RHOH: variants seen among roughly 807,000 people sequenced by gnomAD.
RHOH encodes rho-related GTP-binding protein RhoH.
RHOH carries 6 observed loss-of-function variants against 13.8 expected under a neutral mutation model. That is an observed-to-expected ratio of 0.44 (90% CI 0.24 to 0.86). The LOEUF is 0.86. Ranked by LOEUF, RHOH falls within the 40% of genes least tolerant of loss-of-function variation. RHOH has a pLI of 0.24. For synonymous variants in RHOH, 117 were observed against 103.0 expected (o/e 1.14, Z -0.82); for missense variants, 147 against 244.5 (o/e 0.60, Z 2.66).
chr4:40,245,535 T>A lies in RHOH; in HGVS notation c.*1573T>A. On this transcript the variant is annotated 3_prime_UTR_variant, in exon 3 of 3. Transcript: ENST00000381799. ...GCCTGGGCAACAGAGGGAGACTCCATCTCAAAAAAAAAAAAAAGAAAAGAA... is the reference window on the plus strand; with the variant it reads ...GCCTGGGCAACAGAGGGAGACTCCAACTCAAAAAAAAAAAAAAGAAAAGAA... 8.2e-6 allele frequency: 1 copy of A among 122,216 alleles called. No individual in the cohort carries two copies. Among genetic ancestry groups the A allele is most frequent in the African/African-American group, 3.5e-5 (1 of 28,476 alleles). 7.6% of individuals were successfully genotyped at this position (122,216 alleles called of 1,614,324 possible). A position where few individuals can be genotyped will look rare whatever the true frequency, so the allele number is the denominator to read the frequency against.
chr4:40,194,117 GCAACCA>G (rs564909709), upstream of RHOH, among the ~76,000 whole-genome samples: 40 of 152,272 alleles, frequency 2.6e-4, no homozygotes, highest in South Asian at 8.1e-3. Flanking sequence ...TGTTGGAGGG[GCAACCA>G]ATTTTGAACT....
upstream of RHOH, among the ~76,000 whole-genome samples, chr4:40,194,324 G>A (rs1722909359): frequency 6.6e-6 from 1 of 152,022 alleles, no homozygotes. Flanking sequence ...TGCCTACTGG[G>A]TTCAAGCAAT....
At chr4:40,240,707 G>A (rs1450559744) in intron 1 of RHOH, among the ~76,000 whole-genome samples, 3 of 151,986 alleles carry the variant, frequency 2.0e-5, no homozygotes, top group Admixed American at 6.6e-5. Flanking sequence ...AACCCAGGAG[G>A]CAGAGGTTGC....
At chr4:40,229,671 C>G (rs1315072834) in intron 1 of RHOH, among the ~76,000 whole-genome samples, 1 of 151,362 alleles carries the variant, frequency 6.6e-6, no homozygotes, top group Non-Finnish European at 1.5e-5. Flanking sequence ...AAAACAAAAG[C>G]CCCCACGCTT....
intron 1 of RHOH, among the ~76,000 whole-genome samples, chr4:40,197,787 C>G (rs193076043): frequency 7.9e-5 from 12 of 152,256 alleles, no homozygotes; most frequent in Admixed American, 2.0e-4. Flanking sequence ...GACCATTTCC[C>G]AAAAGTGCTC....
rs1452684057 is a variant in RHOH, at chr4:40,234,908, C to A, written c.-330-7806C>A. Among the ~76,000 whole-genome samples, 5 of 151,966 alleles carry A rather than the reference C, an allele frequency of 3.3e-5. No homozygotes were observed. In the East Asian group the frequency reaches 9.7e-4, roughly 29 times the overall value. On this transcript the variant is annotated intron_variant, in intron 1 of 2. Transcript: ENST00000381799. ...CCTGGCCAAGCAAACCAGCATCTTG[C>A]AAACAAACTTTCAGAACAAAATCTG...
chr4:40,229,101 T>C (rs1727584499), intron 1 of RHOH, among the ~76,000 whole-genome samples: 1 of 152,174 alleles, frequency 6.6e-6, no homozygotes, highest in African/African-American at 2.4e-5. Context: ...AGGTAGAGTC[T>C]GTATTGAAGC....
In RHOH at chr4:40,236,746, C is replaced by T. The variant is rs780560942; in HGVS notation, c.-330-5968C>T. On this transcript the variant is annotated intron_variant, in intron 1 of 2. Coordinates refer to ENST00000381799, the MANE Select transcript of RHOH (RefSeq NM_004310.5). The stretch of plus-strand genomic sequence containing the variant: ...GGTGGAGGTTGCAGTGAGCCGAGAT[C>T]GTGCCAGTGCAGTCCAGCCTGGCGA... Among the ~76,000 whole-genome samples the T allele has an allele frequency of 1.8e-4, 27 of 151,412 alleles. 1 individual carries two copies. The highest frequency in any genetic ancestry group is 4.2e-4 in the South Asian group (2 of 4,780).
chr4:40,246,181 T>G lies in RHOH; in HGVS notation c.*2219T>G, dbSNP rs1266420314. On this transcript the variant is annotated 3_prime_UTR_variant, in exon 3 of 3. Transcript: ENST00000381799. ...CGGATGCGGGTGTTCAGGGCCAGCC[T>G]TTGCCATGAGAGGTATTTAACATGT... 6.6e-6 allele frequency: 1 copy of G among 152,220 alleles called. No individual in the cohort carries two copies. The highest frequency in any genetic ancestry group is 1.5e-5 in the Non-Finnish European group (1 of 68,070). 9.4% of individuals were successfully genotyped at this position (152,220 alleles called of 1,614,324 possible).
chr4:40,230,211 GTA>G (rs1197018110), intron 1 of RHOH, among the ~76,000 whole-genome samples: 4 of 152,030 alleles, frequency 2.6e-5, no homozygotes, highest in Admixed American at 2.0e-4. Context: ...GCTAATTTTT[GTA>G]TTTTTAGTAG....
intron 1 of RHOH, among the ~76,000 whole-genome samples, chr4:40,201,669 G>A (rs1358895653): frequency 6.6e-6 from 1 of 151,620 alleles, no homozygotes; most frequent in East Asian, 1.9e-4. Flanking sequence ...TTTTTTTCGG[G>A]GCGGGGGGCA....
chr4:40,228,222 T>C (rs983607809), intron 1 of RHOH, among the ~76,000 whole-genome samples: 1 of 152,134 alleles, frequency 6.6e-6, no homozygotes, highest in Non-Finnish European at 1.5e-5. Context: ...CCAAACTGCA[T>C]ATAAAGTATG....
At chr4:40,225,651 A>G (rs1727135848) in intron 1 of RHOH, among the ~76,000 whole-genome samples, 2 of 152,206 alleles carry the variant, frequency 1.3e-5, no homozygotes, top group South Asian at 4.1e-4. Context: ...TGACTGAGGA[A>G]GAATCTTTAA....
At chr4:40,220,363 G>T (rs182015660) in intron 1 of RHOH, among the ~76,000 whole-genome samples, 1 of 151,680 alleles carries the variant, frequency 6.6e-6, no homozygotes, top group Admixed American at 6.6e-5. Flanking sequence ...ATAGAACTTG[G>T]CTGTTTAAAT....
intron 1 of RHOH, among the ~76,000 whole-genome samples, chr4:40,233,729 A>G (rs991576742): frequency 6.6e-6 from 1 of 152,148 alleles, no homozygotes; most frequent in Non-Finnish European, 1.5e-5. Flanking sequence ...TGAATTTCAT[A>G]TAATTTTCAC....
intron 1 of RHOH, among the ~76,000 whole-genome samples, chr4:40,225,775 A>G (rs909110393): frequency 6.6e-6 from 1 of 152,178 alleles, no homozygotes; most frequent in African/African-American, 2.4e-5. Context: ...GCTCAGTTTC[A>G]TCAAGGTTTG....
In RHOH at chr4:40,230,181, A is replaced by T. The variant is rs1727739808; in HGVS notation, c.-330-12533A>T. On this transcript the variant is annotated intron_variant, in intron 1 of 2. Coordinates refer to ENST00000381799, the MANE Select transcript of RHOH (RefSeq NM_004310.5). The stretch of plus-strand genomic sequence containing the variant: ...TGCTACAGCCTCCTGAGTAGCTGGG[A>T]TTATTAACCACCATGACGGGCTAAT... Among the ~76,000 whole-genome samples, 4 of 151,954 alleles carry T rather than the reference A, an allele frequency of 2.6e-5. No individual in the cohort carries two copies. The South Asian group carries it at 8.3e-4, about 32-fold the overall frequency.
At chr4:40,233,215 ATTATT>A (rs1431696618) in intron 1 of RHOH, among the ~76,000 whole-genome samples, 2 of 152,206 alleles carry the variant, frequency 1.3e-5, no homozygotes, top group Non-Finnish European at 2.9e-5. Flanking sequence ...GGTAGGTATC[ATTATT>A]TTATTTTAAT....
chr4:40,210,173 G>A (rs1341633699), intron 1 of RHOH, among the ~76,000 whole-genome samples: 1 of 151,598 alleles, frequency 6.6e-6, no homozygotes, highest in South Asian at 2.1e-4. Context: ...GATCATAAGA[G>A]GACAGCTATT....
Sources: gnomAD v4.1 joint callset for allele counts (sites outside exome capture counted in the v4.1 genomes callset) on GRCh38, gnomAD v4.1.1 for gene constraint, MANE v1.5 for transcripts, NCBI Gene and HGNC (gene_info 2026-07-23, HGNC 2026-07-21) for gene names.